DOCK3: variants seen among roughly 807,000 people sequenced by gnomAD.
The protein encoded by DOCK3 is dedicator of cytokinesis protein 3.
DOCK3 carries 60 observed loss-of-function variants against 265.6 expected under a neutral mutation model. The observed-to-expected ratio is 0.23, with a 90% confidence interval of 0.18 to 0.28. The LOEUF is 0.28. Ranked by LOEUF, DOCK3 falls within the 10% of genes least tolerant of loss-of-function variation. The probability of loss-of-function intolerance (pLI) is 1.00; values close to 1 mark genes in which losing one functional copy is unlikely to be tolerated. For synonymous variants in DOCK3, 881 were observed against 938.0 expected, an observed-to-expected ratio of 0.94 and a Z score of 1.11; for missense variants, 1,981 against 2,594.3, an observed-to-expected ratio of 0.76 and a Z score of 5.14.
chr3:51,029,564 G>C (rs1214933415), intron 5 of DOCK3, among the ~76,000 whole-genome samples: 2 of 152,220 alleles, frequency 1.3e-5, no homozygotes, highest in South Asian at 2.1e-4. Flanking sequence ...TCATTCCCAG[G>C]CTTTGGTGGA....
chr3:50,708,498 C>G (rs1290564629), intron 1 of DOCK3, among the ~76,000 whole-genome samples: 2 of 152,070 alleles, frequency 1.3e-5, no homozygotes, highest in African/African-American at 4.8e-5. Context: ...GTTGTAGGGC[C>G]CTAGTGGAGG....
At chr3:51,058,042 T>G (rs2081266851) in intron 5 of DOCK3, among the ~76,000 whole-genome samples, 1 of 152,240 alleles carries the variant, frequency 6.6e-6, no homozygotes, top group Non-Finnish European at 1.5e-5. Context: ...ATTTAGGGTT[T>G]CTCATTTTGT....
In DOCK3 at chr3:50,688,559, T is replaced by A. The variant is rs1576099442; in HGVS notation, c.37+13259T>A. The stretch of plus-strand genomic sequence containing the variant: ...CTCGCTGCAACCTCTGCCTCCTGGG[T>A]TCAAGCGATTCTCCTGGCTCAGCCT... On this transcript the variant is annotated intron_variant, in intron 1 of 52. Transcript: ENST00000266037. Among the ~76,000 whole-genome samples, 2 of 152,022 alleles carry A rather than the reference T, an allele frequency of 1.3e-5. 1 individual carries two copies. The highest frequency in any genetic ancestry group is 4.2e-4 in the South Asian group (2 of 4,802).
intron 12 of DOCK3, among the ~76,000 whole-genome samples, chr3:51,165,410 G>A (rs949385145): frequency 5.3e-5 from 8 of 152,164 alleles, no homozygotes; most frequent in Non-Finnish European, 2.9e-5. Context: ...TTCAAGCTAA[G>A]GAACATATTC....
chr3:51,010,961 C>T (rs1288618609), intron 5 of DOCK3, among the ~76,000 whole-genome samples: 1 of 152,150 alleles, frequency 6.6e-6, no homozygotes, highest in African/African-American at 2.4e-5. Context: ...TCTCTCTTCT[C>T]GCTTGTGGGG....
rs2086699812 is a variant in DOCK3, at chr3:51,361,013, C to T, written c.5006+381C>T. On this transcript the variant is annotated intron_variant, in intron 47 of 52. Transcript: ENST00000266037. This position sits in a 1 kb window ranked among gnomAD's most constrained non-coding sequence, Gnocchi z 4.2. ...GAGTAGAGCCAAGTGGCTGGAGTGC[C>T]GGATTCCAGGGCACGGAAAGGGGAT... Among the ~76,000 whole-genome samples the T allele has an allele frequency of 2.0e-5, 3 of 152,116 alleles. No individual in the cohort carries two copies. The highest frequency in any genetic ancestry group is 2.1e-4 in the South Asian group (1 of 4,830).
At chr3:50,719,463 A>G in intron 1 of DOCK3, 1 of 736,540 alleles carries the variant, frequency 1.4e-6, no homozygotes, top group South Asian at 1.7e-5. Flanking sequence ...TGGTTAAGAT[A>G]AAGCACAAGT....
chr3:51,024,978 G>A (rs2079753538), intron 5 of DOCK3, among the ~76,000 whole-genome samples: 1 of 152,180 alleles, frequency 6.6e-6, no homozygotes, highest in Admixed American at 6.5e-5. Context: ...TCTATCTAGA[G>A]ATGGTGTCAA....
At chr3:51,064,143 A>G (rs994971566) in intron 5 of DOCK3, among the ~76,000 whole-genome samples, 5 of 152,206 alleles carry the variant, frequency 3.3e-5, no homozygotes, top group Non-Finnish European at 7.3e-5. Flanking sequence ...GCTCCTGTGT[A>G]ACATTCTGTT....
chr3:50,989,258 A>G (rs899133209), intron 5 of DOCK3, among the ~76,000 whole-genome samples: 1 of 152,186 alleles, frequency 6.6e-6, no homozygotes, highest in Non-Finnish European at 1.5e-5. Flanking sequence ...ACCTTTCGGC[A>G]AAGCTACTAC....
intron 32 of DOCK3, among the ~76,000 whole-genome samples, chr3:51,319,851 G>A (rs1433185509): frequency 1.6e-5 from 2 of 126,134 alleles, no homozygotes; most frequent in African/African-American, 2.9e-5. Flanking sequence ...GCGACAGAGC[G>A]AGACTCCATC....
At chr3:50,914,233 G>T (rs1322697309) in intron 4 of DOCK3, among the ~76,000 whole-genome samples, 3 of 151,444 alleles carry the variant, frequency 2.0e-5, no homozygotes. Context: ...TTAACTTTAG[G>T]TTTGGTTTGT....
rs565783849 is a variant in DOCK3, at chr3:51,157,145, G to T, written c.829-2099G>T. 4.7e-4 allele frequency among the ~76,000 whole-genome samples: 27 copies of T among 57,034 alleles called. 1 individual carries two copies. The South Asian group carries it at 0.019, about 41-fold the overall frequency. The allele number at this position is 57,034 out of a possible 152,430, so 37.4% of individuals were successfully genotyped here. On this transcript the variant is annotated intron_variant, in intron 10 of 52. Coordinates refer to ENST00000266037, the MANE Select transcript of DOCK3 (RefSeq NM_004947.5). ...GTAAAAATATATCTTTGTGATTCCA[G>T]ATATCAATTTATGTTTATTTTGTAA...
chr3:50,904,938 A>T (rs1456824732), intron 4 of DOCK3, among the ~76,000 whole-genome samples: 1 of 152,076 alleles, frequency 6.6e-6, no homozygotes, highest in Non-Finnish European at 1.5e-5. Context: ...TAATTTTTGT[A>T]TAAGGTGTAA....
chr3:51,041,570 T>G (rs1406382991), intron 5 of DOCK3, among the ~76,000 whole-genome samples: 1 of 152,132 alleles, frequency 6.6e-6, no homozygotes, highest in African/African-American at 2.4e-5. Flanking sequence ...CTCCCTGATC[T>G]GTGGCCTGCA....
At chr3:50,710,835 C>G (rs999041492) in intron 1 of DOCK3, among the ~76,000 whole-genome samples, 1 of 152,132 alleles carries the variant, frequency 6.6e-6, no homozygotes, top group Non-Finnish European at 1.5e-5. Flanking sequence ...TAAAAAGGAA[C>G]AAAATAATGG....
At chr3:50,800,366 A>C (rs2043009202) in intron 2 of DOCK3, among the ~76,000 whole-genome samples, 1 of 149,900 alleles carries the variant, frequency 6.7e-6, no homozygotes, top group Non-Finnish European at 1.5e-5. Context: ...TTGTCTCATT[A>C]CTTGTTATTA....
At chr3:50,722,966 G>A (rs1425403291) in intron 1 of DOCK3, among the ~76,000 whole-genome samples, 1 of 151,856 alleles carries the variant, frequency 6.6e-6, no homozygotes, top group Admixed American at 6.6e-5. Flanking sequence ...TAGAGACAGG[G>A]TTTTGCCATG....
At chr3:51,130,006 G>A (rs2084449484) in intron 9 of DOCK3, among the ~76,000 whole-genome samples, 1 of 152,220 alleles carries the variant, frequency 6.6e-6, no homozygotes, top group South Asian at 2.1e-4. Context: ...TAGGCATTGT[G>A]TCTCTTTCTT....
Sources: allele counts gnomAD v4.1 joint callset (sites outside exome capture counted in the v4.1 genomes callset), GRCh38; gene constraint gnomAD v4.1.1; non-coding constraint Gnocchi (gnomAD v3.1); transcripts MANE v1.5; gene names NCBI Gene and HGNC (gene_info 2026-07-23, HGNC 2026-07-21).